Variants in CDH23 observed in about 807,000 individuals in gnomAD.
CDH23 encodes cadherin-23.
CDH23 carries 189 observed loss-of-function variants against 317.1 expected under a neutral mutation model. The ratio of observed to expected loss-of-function variants is 0.60; its 90% confidence interval spans 0.53 to 0.67. The LOEUF (loss-of-function observed/expected upper bound fraction) is 0.67, where lower values mean the gene tolerates loss of function less well. Ranked by LOEUF, CDH23 falls within the 30% of genes least tolerant of loss-of-function variation. The pLI is 0.00. For missense variants in CDH23, 4,401 were observed against 4,592.4 expected, an observed-to-expected ratio of 0.96 and a Z score of 1.20; for synonymous variants, 1,839 against 1,876.8, an observed-to-expected ratio of 0.98 and a Z score of 0.52.
At chr10:71,814,815 T>A in intron 69 of CDH23, 137 bp from the exon 70 acceptor site, 1 of 1,013,148 alleles carries the variant, frequency 9.9e-7, no homozygotes, top group Non-Finnish European at 1.4e-6. Context: ...TGCAGGCAGT[T>A]TGAGAAACAG....
At chr10:71,547,956 G>A (rs949308162) in intron 6 of CDH23, among the ~76,000 whole-genome samples, 2 of 152,258 alleles carry the variant, frequency 1.3e-5, no homozygotes, top group African/African-American at 4.8e-5. Flanking sequence ...GGGAACAGGA[G>A]CCGGAAGAGA....
At chr10:71,797,369 T>C (rs1454666447) in intron 49 of CDH23, 149 bp downstream of exon 49, 3 of 615,622 alleles carry the variant, frequency 4.9e-6, no homozygotes, top group Non-Finnish European at 8.7e-6. Context: ...ACAAGAGGCA[T>C]GAAAGGTGGC....
At chr10:71,731,921 G>T in intron 31 of CDH23, 66 bp from the exon 32 acceptor site, 2 of 1,527,640 alleles carry the variant, frequency 1.3e-6, no homozygotes, top group East Asian at 2.3e-5. Flanking sequence ...GTGGCAGCTT[G>T]AGAAGCCACA....
In CDH23 at chr10:71,592,127, T is replaced by C. The variant is rs74147367; in HGVS notation, c.832+14135T>C. 2.6e-3 allele frequency among the ~76,000 whole-genome samples: 394 copies of C among 152,168 alleles called. 3 individuals are homozygous for C. The highest frequency in any genetic ancestry group is 9.0e-3 in the African/African-American group (372 of 41,498). On this transcript the variant is annotated intron_variant, in intron 9 of 69. Coordinates refer to ENST00000224721, the MANE Select transcript of CDH23 (RefSeq NM_022124.6). ...GGGTCTTGGGCCAAGCTAAGGAGTGTGGATTGTTCCTTTCAGGGCATCTGT... is the reference window on the plus strand; with the variant it reads ...GGGTCTTGGGCCAAGCTAAGGAGTGCGGATTGTTCCTTTCAGGGCATCTGT...
At chr10:71,442,914 G>T (rs1849962987) in intron 2 of CDH23, among the ~76,000 whole-genome samples, 1 of 152,226 alleles carries the variant, frequency 6.6e-6, no homozygotes, top group Non-Finnish European at 1.5e-5. Flanking sequence ...GGAGGGCAGG[G>T]CAGGGCTTTT....
intron 28 of CDH23, among the ~76,000 whole-genome samples, chr10:71,718,100 G>A (rs951655015): frequency 1.3e-5 from 2 of 152,148 alleles, no homozygotes; most frequent in African/African-American, 4.8e-5. Flanking sequence ...TGAGGGTGGG[G>A]GATAGCAGAT....
chr10:71,684,724 A>G (rs1864803882), intron 18 of CDH23, among the ~76,000 whole-genome samples: 1 of 152,228 alleles, frequency 6.6e-6, no homozygotes, highest in South Asian at 2.1e-4. Flanking sequence ...GCCTGTCGCT[A>G]GTGCAAATGG....
intron 1 of CDH23, among the ~76,000 whole-genome samples, chr10:71,436,842 T>C (rs574367300): frequency 3.2e-4 from 48 of 152,250 alleles, no homozygotes; most frequent in African/African-American, 1.1e-3. Context: ...GGGCTGGAGT[T>C]TTTTCTGTAG....
At chr10:71,516,968 C>T (rs1405588884) in intron 6 of CDH23, among the ~76,000 whole-genome samples, 2 of 152,178 alleles carry the variant, frequency 1.3e-5, no homozygotes, top group African/African-American at 2.4e-5. Flanking sequence ...TCATCCCTCC[C>T]GCCAGACTAA....
At chr10:71,790,681 C>G (rs1841226395) in intron 46 of CDH23, 1 of 518,498 alleles carries the variant, frequency 1.9e-6, no homozygotes, top group Admixed American at 3.2e-5. Flanking sequence ...CAGCCCACTC[C>G]CGTCATCTCC....
chr10:71,595,112 C>T (rs775832012), intron 9 of CDH23, among the ~76,000 whole-genome samples: 3 of 152,126 alleles, frequency 2.0e-5, no homozygotes, highest in Non-Finnish European at 2.9e-5. Flanking sequence ...ATACCTACTT[C>T]GATGAGGCAT....
chr10:71,622,164 G>T (rs2132531662), intron 11 of CDH23, among the ~76,000 whole-genome samples: 1 of 152,210 alleles, frequency 6.6e-6, no homozygotes, highest in South Asian at 2.1e-4. Flanking sequence ...GGTGTTCTGG[G>T]GAGCCACGGT....
intron 3 of CDH23, among the ~76,000 whole-genome samples, chr10:71,472,887 G>A (rs1471255949): frequency 6.6e-6 from 1 of 152,216 alleles, no homozygotes; most frequent in Non-Finnish European, 1.5e-5. Context: ...CTGACAGTTT[G>A]ACATCTTTAT....
chr10:71,402,106 C>T (rs1041621644), intron 1 of CDH23, among the ~76,000 whole-genome samples: 3 of 152,134 alleles, frequency 2.0e-5, no homozygotes, highest in East Asian at 1.9e-4. Context: ...CCGCTGCTGC[C>T]GCCCACAGCT....
At chr10:71,488,957 A>C (rs867703253) in intron 3 of CDH23, among the ~76,000 whole-genome samples, 2 of 152,174 alleles carry the variant, frequency 1.3e-5, no homozygotes, top group Non-Finnish European at 1.5e-5. Context: ...ATCACCTGTA[A>C]GTTTAAATGT....
In CDH23 at chr10:71,779,450, G is replaced by A. The variant is rs764468561; in HGVS notation, c.5368+3G>A. 6.9e-6 allele frequency: 11 copies of A among 1,597,354 alleles called. No homozygotes were observed. The highest frequency in any genetic ancestry group is 6.7e-5 in the Admixed American group (4 of 59,450). On this transcript the variant is annotated splice_donor_region_variant and intron_variant, in intron 41 of 69. Coordinates refer to ENST00000224721, the MANE Select transcript of CDH23 (RefSeq NM_022124.6). ...CATCATGGATGGAGACCCTCTGGGT[G>A]AGTGGGGCTTGGGGCATGCCACCCA...
intron 9 of CDH23, among the ~76,000 whole-genome samples, chr10:71,585,117 C>T (rs577265599): frequency 3.3e-5 from 5 of 151,996 alleles, no homozygotes; most frequent in East Asian, 3.9e-4. Context: ...GTCCTTGCCG[C>T]GGGGAGGTCT....
chr10:71,591,814 G>A (rs1859512367), intron 9 of CDH23, among the ~76,000 whole-genome samples: 1 of 152,050 alleles, frequency 6.6e-6, no homozygotes, highest in South Asian at 2.1e-4. Context: ...CAGGGCAGGT[G>A]CTCAGGAAAT....
Position 71,682,318 on chromosome 10 carries a change from T to C in CDH23, c.1859-127T>C. On this transcript the variant is annotated intron_variant, in intron 17 of 69. Transcript: ENST00000224721. The stretch of plus-strand genomic sequence containing the variant: ...GTCGAGATGTTGAGGCTCCAGGTGT[T>C]CAGAAAACAAGCCAGAGCTGGCCCG... The C allele has an allele frequency of 4.8e-6, 6 of 1,259,220 alleles. No individual in the cohort carries two copies. In the East Asian group the frequency reaches 1.3e-4, roughly 27 times the overall value. 78.0% of individuals were successfully genotyped at this position (1,259,220 alleles called of 1,614,324 possible). A position where few individuals can be genotyped will look rare whatever the true frequency, so the allele number is the denominator to read the frequency against.
Sources: allele counts gnomAD v4.1 joint callset (sites outside exome capture counted in the v4.1 genomes callset), GRCh38; gene constraint gnomAD v4.1.1; transcripts MANE v1.5; gene names NCBI Gene and HGNC (gene_info 2026-07-23, HGNC 2026-07-21).